PLEKHG4B: variants seen among roughly 807,000 people sequenced by gnomAD.
PLEKHG4B encodes the protein pleckstrin homology and RhoGEF domain containing G4B, also known as pleckstrin homology domain-containing family G member 4B.
PLEKHG4B carries 111 observed loss-of-function variants against 121.3 expected under a neutral mutation model. The observed-to-expected ratio is 0.92, with a 90% confidence interval of 0.78 to 1.07. The LOEUF is 1.07. Ranked by LOEUF, PLEKHG4B falls within the 50% of genes least tolerant of loss-of-function variation. PLEKHG4B has a pLI of 0.00. For missense variants in PLEKHG4B, 1,831 were observed against 1,757.8 expected (o/e 1.04, Z -0.74); for synonymous variants, 738 against 725.0 (o/e 1.02, Z -0.29).
intron 6 of PLEKHG4B, among the ~76,000 whole-genome samples, chr5:149,904 T>C (rs1722778863): frequency 2.0e-5 from 3 of 152,186 alleles, no homozygotes; most frequent in South Asian, 4.1e-4. Flanking sequence ...CTGGAACCCT[T>C]GTGCACGGTT....
intron 12 of PLEKHG4B, 123 bp from the exon 13 acceptor site, chr5:162,599 T>C: frequency 1.4e-6 from 1 of 703,460 alleles, no homozygotes. Context: ...CGGGACTGCC[T>C]CTCGCTCTGC....
intron 16 of PLEKHG4B, among the ~76,000 whole-genome samples, chr5:172,305 G>A (rs4956982): frequency 0.64 from 97,399 of 152,110 alleles, 31,997 homozygotes; most frequent in Non-Finnish European, 0.72. Context: ...AACCGTGCCC[G>A]TCATGCGGGT....
Position 171,393 on chromosome 5 carries a change from G to C in PLEKHG4B, c.3999G>C (p.Gln1333His). The change falls in exon 16 of 20, where the codon CAG becomes CAC. Residue 1333 changes from glutamine (Q) to histidine (H), a missense_variant. By Grantham distance (24) the Gln-to-His change is conservative. Transcript: ENST00000637938. Reference protein sequence around the residue: ...LRAAEVVVCFQLRHGNDLLAM... With the variant: ...LRAAEVVVCFHLRHGNDLLAM... The stretch of plus-strand genomic sequence containing the variant: ...CCGCCGAGGTCGTGGTCTGCTTCCA[G>C]CTGCGTCACGGCAATGACCTGCTGG... 1.2e-6 allele frequency: 2 copies of C among 1,608,838 alleles called. No individual in the cohort carries two copies. Among genetic ancestry groups the C allele is most frequent in the Non-Finnish European group, 1.7e-6 (2 of 1,179,426 alleles).
chr5:162,866 G>GC lies in PLEKHG4B; in HGVS notation c.2797dup (p.Leu933ProfsTer28). The GC allele has an allele frequency of 1.3e-6, 2 of 1,519,584 alleles. No individual in the cohort carries two copies. The highest frequency in any genetic ancestry group is 1.8e-6 in the Non-Finnish European group (2 of 1,132,384). 94.1% of individuals were successfully genotyped at this position (1,519,584 alleles called of 1,614,324 possible). Reference sequence around the variant, plus strand: ...AGGTGTGGCAGTGCTGAAGCCTCATGCCCTGGGGAAACCGTGGGCATCACA... The same window carrying GC: ...AGGTGTGGCAGTGCTGAAGCCTCATGCCCCTGGGGAAACCGTGGGCATCACA... On this transcript the variant is annotated frameshift_variant, in exon 13 of 20. Coordinates refer to ENST00000637938, the MANE Select transcript of PLEKHG4B (RefSeq NM_052909.5). LOFTEE classifies it high-confidence loss of function.
intron 12 of PLEKHG4B, 86 bp from the exon 13 acceptor site, chr5:162,636 G>A (rs1003715842): frequency 1.9e-6 from 2 of 1,029,070 alleles, no homozygotes; most frequent in Non-Finnish European, 2.6e-6. Context: ...CCCTGAATAG[G>A]CTGACCTGGG....
rs1448714832 is a variant in PLEKHG4B at position 163,094 on chromosome 5, C to T, written c.3022C>T (p.Pro1008Ser). ...GGGTGGTGCCTGGGAACCTGCGCAA[C>T]CACTGTCCGGCCTCCCTGGACGAGC... ...SGGGAWEPAQ[P>S]LSGLPGRALL... Residue 1008 changes from proline (P) to serine (S), a missense_variant, in exon 13 of 20, where the codon CCA (proline) becomes TCA (serine). Transcript: ENST00000637938. 1.3e-6 allele frequency: 2 copies of T among 1,563,838 alleles called. No homozygotes were observed. The highest frequency in any genetic ancestry group is 1.7e-6 in the Non-Finnish European group (2 of 1,154,112).
intron 2 of PLEKHG4B, among the ~76,000 whole-genome samples, chr5:124,290 G>C (rs76182061): frequency 5.9e-5 from 9 of 152,130 alleles, no homozygotes; most frequent in Non-Finnish European, 1.0e-4. Context: ...TCTCATGTGT[G>C]CACTTGAGAA....
rs535460319 is a variant in PLEKHG4B, at chr5:157,518, G to A, written c.2487+607G>A. 1.5e-4 allele frequency among the ~76,000 whole-genome samples: 23 copies of A among 152,270 alleles called. No homozygotes were observed. The highest frequency in any genetic ancestry group is 5.5e-4 in the African/African-American group (23 of 41,554). ...GTGTGAGTTGTGCACAGTGTGTGGC[G>A]TGGCTGGGGTTATTGATGGCCCTTG... On this transcript the variant is annotated intron_variant, in intron 11 of 19. Transcript: ENST00000637938. This position sits in a 1 kb window ranked among gnomAD's most constrained non-coding sequence, Gnocchi z 4.6.
intron 18 of PLEKHG4B, among the ~76,000 whole-genome samples, chr5:175,592 G>A (rs1736736070): frequency 6.6e-6 from 1 of 150,530 alleles, no homozygotes; most frequent in South Asian, 2.1e-4. Flanking sequence ...CTCCTGCACG[G>A]CTGCACCCCG....
intron 1 of PLEKHG4B, among the ~76,000 whole-genome samples, chr5:108,512 G>A (rs1579240819): frequency 6.6e-6 from 1 of 150,398 alleles, no homozygotes; most frequent in African/African-American, 2.4e-5. Context: ...CAGATGGCTG[G>A]TGTAGACAGA....
At chr5:132,708 T>C (rs1734813792) in intron 2 of PLEKHG4B, among the ~76,000 whole-genome samples, 1 of 152,200 alleles carries the variant, frequency 6.6e-6, no homozygotes, top group Non-Finnish European at 1.5e-5. Flanking sequence ...GCTGTAAATA[T>C]TTGGGTGTAT....
intron 13 of PLEKHG4B, among the ~76,000 whole-genome samples, chr5:166,813 G>A (rs1736368732): frequency 6.6e-6 from 1 of 152,220 alleles, no homozygotes. Context: ...CACACCTTTA[G>A]GTTGCCAGAC....
At position 157,637 on chromosome 5, in the gene PLEKHG4B, G is replaced by C. The variant is rs765346944; in HGVS notation, c.2487+726G>C. 6.6e-6 allele frequency among the ~76,000 whole-genome samples: 1 copy of C among 152,188 alleles called. No individual in the cohort carries two copies. The highest frequency in any genetic ancestry group is 1.5e-5 in the Non-Finnish European group (1 of 68,028). The stretch of plus-strand genomic sequence containing the variant: ...ACCAGCGAAATGATTGCTTAGCTCA[G>C]GGGTGCAGATGATGCTGCTGCCTCA... On this transcript the variant is annotated intron_variant, in intron 11 of 19. Transcript: ENST00000637938. This position sits in a 1 kb window ranked among gnomAD's most constrained non-coding sequence, Gnocchi z 4.6.
intron 13 of PLEKHG4B, among the ~76,000 whole-genome samples, chr5:165,081 C>T (rs1441313104): frequency 1.2e-4 from 12 of 96,132 alleles, no homozygotes; most frequent in African/African-American, 1.5e-4. Flanking sequence ...AATGCTCTGA[C>T]GGGGCGGGGC....
chr5:101,104 G>A (rs1733793701), intron 1 of PLEKHG4B, among the ~76,000 whole-genome samples: 1 of 106,642 alleles, frequency 9.4e-6, no homozygotes, highest in African/African-American at 5.5e-5. Flanking sequence ...GGGAGAGACT[G>A]TTGTGAGGTT....
intron 6 of PLEKHG4B, 43 bp from the exon 7 acceptor site, chr5:151,470 A>G: frequency 7.3e-7 from 1 of 1,362,388 alleles, no homozygotes; most frequent in South Asian, 1.3e-5. Context: ...GAAGTTAAAA[A>G]TTAGAAAGCT....
chr5:142,830 C>A (rs1168866159), intron 3 of PLEKHG4B, among the ~76,000 whole-genome samples: 1 of 152,190 alleles, frequency 6.6e-6, no homozygotes, highest in East Asian at 1.9e-4. Context: ...GCTGGAGACT[C>A]CGTCTCCGTG....
At chr5:111,479 A>G (rs1734155760) in intron 1 of PLEKHG4B, among the ~76,000 whole-genome samples, 1 of 152,174 alleles carries the variant, frequency 6.6e-6, no homozygotes, top group Non-Finnish European at 1.5e-5. Flanking sequence ...CGGGCGGTTG[A>G]GACGGTGGCC....
chr5:166,217 G>C (rs539955531), intron 13 of PLEKHG4B, among the ~76,000 whole-genome samples: 4 of 12,436 alleles, frequency 3.2e-4, no homozygotes, highest in African/African-American at 4.0e-4. Flanking sequence ...GGGGCTCACA[G>C]TAATCCTCTG....
Sources: gnomAD v4.1 joint callset for allele counts (sites outside exome capture counted in the v4.1 genomes callset) on GRCh38, gnomAD v4.1.1 for gene constraint, Gnocchi (gnomAD v3.1) non-coding constraint, MANE v1.5 for transcripts, NCBI Gene and HGNC (gene_info 2026-07-23, HGNC 2026-07-21) for gene names.